FHIT: variants seen among roughly 807,000 people sequenced by gnomAD.
FHIT encodes fragile histidine triad diadenosine triphosphatase, also known as bis(5'-adenosyl)-triphosphatase.
Under a neutral mutation model 17.9 loss-of-function variants are expected in FHIT, and 19 were observed. The observed-to-expected ratio is 1.06, with a 90% confidence interval of 0.74 to 1.56. FHIT has a LOEUF of 1.56. Ranked by LOEUF, FHIT falls within the 40% of genes most tolerant of loss-of-function variation. FHIT has a pLI of 0.00. For missense variants in FHIT, 248 were observed against 189.2 expected, an observed-to-expected ratio of 1.31 and a Z score of -1.82; for synonymous variants, 81 against 69.7, an observed-to-expected ratio of 1.16 and a Z score of -0.81.
At chr3:60,278,794 A>G (rs560196313) in intron 5 of FHIT, among the ~76,000 whole-genome samples, 73 of 152,334 alleles carry the variant, frequency 4.8e-4, no homozygotes, top group Non-Finnish European at 8.2e-4. Flanking sequence ...AAGGCATGCA[A>G]AAAGAAATTT....
intron 7 of FHIT, among the ~76,000 whole-genome samples, chr3:59,951,528 C>G (rs1312964030): frequency 6.6e-6 from 1 of 152,202 alleles, no homozygotes; most frequent in Non-Finnish European, 1.5e-5. Flanking sequence ...GTTTGCGATG[C>G]CTCAGCTACC....
chr3:60,326,979 G>A (rs1709723615), intron 5 of FHIT, among the ~76,000 whole-genome samples: 1 of 152,164 alleles, frequency 6.6e-6, no homozygotes, highest in Non-Finnish European at 1.5e-5. Flanking sequence ...TGAGAAGAGA[G>A]AGATAAGAGG....
chr3:60,656,903 G>C (rs371959564), intron 4 of FHIT, among the ~76,000 whole-genome samples: 49 of 151,918 alleles, frequency 3.2e-4, no homozygotes, highest in African/African-American at 1.1e-3. Context: ...TATTGAGATT[G>C]AAAGAGGTGG....
intron 5 of FHIT, among the ~76,000 whole-genome samples, chr3:60,450,391 G>A (rs555499401): frequency 2.6e-5 from 4 of 151,938 alleles, no homozygotes; most frequent in South Asian, 4.2e-4. Flanking sequence ...ATATCCCCAA[G>A]ATATAAATAT....
chr3:61,069,584 C>A (rs1458045059), intron 2 of FHIT, among the ~76,000 whole-genome samples: 1 of 152,088 alleles, frequency 6.6e-6, no homozygotes, highest in Non-Finnish European at 1.5e-5. Flanking sequence ...TCCTGCCCAA[C>A]CAAATTAAGG....
At chr3:60,906,254 T>C (rs1230296917) in intron 3 of FHIT, among the ~76,000 whole-genome samples, 1 of 152,216 alleles carries the variant, frequency 6.6e-6, no homozygotes, top group Non-Finnish European at 1.5e-5. Context: ...TTCCGTGTAC[T>C]ATAGGATAGA....
At chr3:60,514,983 T>A (rs1403432372) in intron 5 of FHIT, among the ~76,000 whole-genome samples, 1 of 151,358 alleles carries the variant, frequency 6.6e-6, no homozygotes, top group African/African-American at 2.4e-5. Flanking sequence ...AGAGGCCACC[T>A]TACTAGATAA....
At chr3:61,208,569 T>G (rs973316992) in intron 1 of FHIT, among the ~76,000 whole-genome samples, 1 of 152,132 alleles carries the variant, frequency 6.6e-6, no homozygotes, top group East Asian at 1.9e-4. Context: ...CATTATGCAA[T>G]GGCCTTCTTT....
chr3:60,016,360 A>G (rs1700345055), intron 5 of FHIT, among the ~76,000 whole-genome samples: 1 of 152,196 alleles, frequency 6.6e-6, no homozygotes, highest in African/African-American at 2.4e-5. Context: ...TGACAAGGAG[A>G]TTTCTCACAG....
chr3:59,875,734 G>A (rs1347607275), intron 8 of FHIT, among the ~76,000 whole-genome samples: 2 of 152,040 alleles, frequency 1.3e-5, no homozygotes, highest in Non-Finnish European at 2.9e-5. Flanking sequence ...GGGAGCTAAC[G>A]ATGGCTTAAC....
intron 3 of FHIT, among the ~76,000 whole-genome samples, chr3:60,937,199 A>G (rs1296439016): frequency 1.3e-5 from 2 of 152,232 alleles, no homozygotes; most frequent in Non-Finnish European, 2.9e-5. Flanking sequence ...AAAGAAATGT[A>G]GATTCCACAG....
chr3:59,975,233 G>T (rs1708357508), intron 7 of FHIT, among the ~76,000 whole-genome samples: 3 of 152,106 alleles, frequency 2.0e-5, no homozygotes, highest in Admixed American at 6.6e-5. Flanking sequence ...ATTAGAAGAA[G>T]GCAACATAAA....
intron 8 of FHIT, among the ~76,000 whole-genome samples, chr3:59,797,171 T>C (rs922307340): frequency 6.6e-5 from 10 of 151,544 alleles, no homozygotes; most frequent in Non-Finnish European, 1.2e-4. Context: ...CACCACAAAG[T>C]ATTATTTTGA....
intron 5 of FHIT, among the ~76,000 whole-genome samples, chr3:60,125,155 C>A (rs72882775): frequency 0.17 from 25,999 of 152,182 alleles, 2,345 homozygotes; most frequent in South Asian, 0.21. Flanking sequence ...AGCTGACCTC[C>A]AAAGGTCATG....
At chr3:59,771,519 A>G (rs1702074838) in intron 8 of FHIT, among the ~76,000 whole-genome samples, 1 of 152,160 alleles carries the variant, frequency 6.6e-6, no homozygotes, top group South Asian at 2.1e-4. Context: ...CCCCCCATAG[A>G]GTGTTGTGAA....
At chr3:59,891,306 C>G (rs1347102572) in intron 8 of FHIT, among the ~76,000 whole-genome samples, 1 of 152,042 alleles carries the variant, frequency 6.6e-6, no homozygotes, top group Non-Finnish European at 1.5e-5. Context: ...TAACCACAAA[C>G]CAGGAAAAGC....
intron 5 of FHIT, among the ~76,000 whole-genome samples, chr3:60,095,625 G>A (rs1703913459): frequency 6.6e-6 from 1 of 152,156 alleles, no homozygotes; most frequent in Non-Finnish European, 1.5e-5. Context: ...GAAAGCTGAG[G>A]GTGAAGGGAC....
intron 5 of FHIT, among the ~76,000 whole-genome samples, chr3:60,428,954 T>A (rs1702775029): frequency 6.6e-6 from 1 of 152,114 alleles, no homozygotes; most frequent in African/African-American, 2.4e-5. Context: ...TTTCAGTTAC[T>A]CTGCTTGGCC....
At chr3:60,847,908 A>G (rs1207471767) in intron 3 of FHIT, among the ~76,000 whole-genome samples, 1 of 152,146 alleles carries the variant, frequency 6.6e-6, no homozygotes, top group Non-Finnish European at 1.5e-5. Flanking sequence ...CTTGAAGCAC[A>G]ATTTTATCCT....
Sources: gnomAD v4.1 joint callset for allele counts (sites outside exome capture counted in the v4.1 genomes callset) on GRCh38, gnomAD v4.1.1 for gene constraint, MANE v1.5 for transcripts, NCBI Gene and HGNC (gene_info 2026-07-23, HGNC 2026-07-21) for gene names.